The following CTNND2 variants were observed in gnomAD, a reference collection of about 807,000 sequenced individuals.
CTNND2 encodes catenin delta 2.
A neutral mutation model predicts 144.4 loss-of-function variants in CTNND2; 22 were observed. That is an observed-to-expected ratio of 0.15 (90% CI 0.11 to 0.22). The LOEUF is 0.22. CTNND2 is among the 10% of genes least tolerant of loss of function. The pLI is 1.00. For synonymous variants in CTNND2, 751 were observed against 695.6 expected (o/e 1.08, Z -1.25); for missense variants, 1,353 against 1,618.8 (o/e 0.84, Z 2.82).
At chr5:11,709,056 C>G (rs1264018167) in intron 2 of CTNND2, among the ~76,000 whole-genome samples, 1 of 152,104 alleles carries the variant, frequency 6.6e-6, no homozygotes, top group Non-Finnish European at 1.5e-5. Flanking sequence ...AACTAGGTAT[C>G]CTGTAAGATT....
chr5:11,122,738 T>A (rs11746234), intron 12 of CTNND2, among the ~76,000 whole-genome samples: 1 of 151,272 alleles, frequency 6.6e-6, no homozygotes, highest in Non-Finnish European at 1.5e-5. Flanking sequence ...AGGAGTGGGG[T>A]GGGCTGTCTG....
At chr5:11,340,257 T>A (rs1385408284) in intron 9 of CTNND2, among the ~76,000 whole-genome samples, 2 of 152,314 alleles carry the variant, frequency 1.3e-5, no homozygotes, top group South Asian at 4.1e-4. Flanking sequence ...TATTTCCCCA[T>A]AGCATGATGG....
intron 3 of CTNND2, among the ~76,000 whole-genome samples, chr5:11,504,685 G>A (rs1770851683): frequency 6.6e-6 from 1 of 152,170 alleles, no homozygotes. Context: ...GATGGCTGTG[G>A]GGAGCTGATG....
chr5:11,660,215 A>G (rs1010476136), intron 2 of CTNND2, among the ~76,000 whole-genome samples: 4 of 152,122 alleles, frequency 2.6e-5, no homozygotes, highest in Non-Finnish European at 5.9e-5. Context: ...TGAGGTCACA[A>G]GGCCATGAAA....
intron 10 of CTNND2, among the ~76,000 whole-genome samples, chr5:11,220,308 T>C (rs1184346592): frequency 1.3e-5 from 2 of 152,068 alleles, no homozygotes; most frequent in Non-Finnish European, 2.9e-5. Context: ...GCCCCATAGA[T>C]GGTGGCAACA....
chr5:11,221,619 C>G (rs915529951), intron 10 of CTNND2, among the ~76,000 whole-genome samples: 4 of 152,228 alleles, frequency 2.6e-5, no homozygotes, highest in Admixed American at 1.3e-4. Flanking sequence ...ATGGACATCA[C>G]ATGATACGAA....
intron 11 of CTNND2, among the ~76,000 whole-genome samples, chr5:11,174,312 AC>A (rs1459277034): frequency 6.6e-6 from 1 of 152,198 alleles, no homozygotes; most frequent in African/African-American, 2.4e-5. Context: ...GGATGAAGTC[AC>A]AGAAGTAAAG....
chr5:11,297,173 A>G (rs1022288126), intron 9 of CTNND2, among the ~76,000 whole-genome samples: 22 of 152,344 alleles, frequency 1.4e-4, no homozygotes, highest in African/African-American at 5.3e-4. Flanking sequence ...TTCAAGGTCC[A>G]TTCAAGGATT....
chr5:11,281,962 T>G (rs1747177991), intron 9 of CTNND2, among the ~76,000 whole-genome samples: 2 of 152,152 alleles, frequency 1.3e-5, no homozygotes. Context: ...ATCCCAAAAC[T>G]TAGTAGCTTA....
At chr5:11,087,389 C>A (rs1750282160) in intron 15 of CTNND2, among the ~76,000 whole-genome samples, 1 of 152,128 alleles carries the variant, frequency 6.6e-6, no homozygotes. Flanking sequence ...TTGCTGTATG[C>A]CCCAGATTAT....
intron 1 of CTNND2, among the ~76,000 whole-genome samples, chr5:11,815,682 A>G (rs185428768): frequency 6.6e-6 from 1 of 152,288 alleles, no homozygotes; most frequent in East Asian, 1.9e-4. Flanking sequence ...TTGTGCCAGC[A>G]GTTTGTTAAT....
chr5:11,337,622 G>C (rs1268122197), intron 9 of CTNND2, among the ~76,000 whole-genome samples: 1 of 152,086 alleles, frequency 6.6e-6, no homozygotes, highest in African/African-American at 2.4e-5. Context: ...CACGAAAGAG[G>C]AAGTAATACA....
At chr5:11,693,561 G>A (rs1785004054) in intron 2 of CTNND2, among the ~76,000 whole-genome samples, 1 of 152,192 alleles carries the variant, frequency 6.6e-6, no homozygotes, top group Non-Finnish European at 1.5e-5. Flanking sequence ...AAAATGCCTG[G>A]AACAGGCACT....
At chr5:11,462,233 T>C (rs998612237) in intron 3 of CTNND2, among the ~76,000 whole-genome samples, 2 of 152,082 alleles carry the variant, frequency 1.3e-5, no homozygotes, top group Non-Finnish European at 2.9e-5. Flanking sequence ...ATCAGAAAGG[T>C]CATAGTTCCA....
Position 11,662,093 on chromosome 5 carries a change from A to G in CTNND2, c.174+70043T>C, listed in dbSNP as rs111424814. ...ATGGATACATAGTTCATATATACAT[A>G]TATACACATATTTATGTGTGTGTGT... is the stretch of plus-strand genomic sequence containing the variant. On this transcript the variant is annotated intron_variant, in intron 2 of 21. Transcript: ENST00000304623. Among the ~76,000 whole-genome samples, 80 of 149,658 alleles carry G rather than the reference A, an allele frequency of 5.3e-4. 1 individual carries two copies. Among genetic ancestry groups the G allele is most frequent in the African/African-American group, 1.8e-3 (72 of 40,724 alleles).
chr5:11,872,887 A>G (rs968901445), intron 1 of CTNND2, among the ~76,000 whole-genome samples: 2 of 152,242 alleles, frequency 1.3e-5, no homozygotes, highest in Non-Finnish European at 2.9e-5. Flanking sequence ...TACTAAAACC[A>G]TAAAAACCCT....
chr5:11,834,155 A>C (rs1486755638), intron 1 of CTNND2, among the ~76,000 whole-genome samples: 1 of 152,180 alleles, frequency 6.6e-6, no homozygotes, highest in Non-Finnish European at 1.5e-5. Flanking sequence ...GCACACAGCC[A>C]ATAAAAAAGG....
intron 5 of CTNND2, among the ~76,000 whole-genome samples, chr5:11,403,127 C>T (rs1401209938): frequency 6.6e-6 from 1 of 152,080 alleles, no homozygotes; most frequent in East Asian, 1.9e-4. Flanking sequence ...TGGTTGTTTG[C>T]TGCACCTATC....
At chr5:10,983,925 C>T (rs367726794) in intron 20 of CTNND2, among the ~76,000 whole-genome samples, 12 of 152,126 alleles carry the variant, frequency 7.9e-5, no homozygotes, top group Admixed American at 3.3e-4. Context: ...CCAGCTTTGC[C>T]GACCCTCCTT....
Sources: allele counts gnomAD v4.1 joint callset (sites outside exome capture counted in the v4.1 genomes callset), GRCh38; gene constraint gnomAD v4.1.1; transcripts MANE v1.5; gene names NCBI Gene and HGNC (gene_info 2026-07-23, HGNC 2026-07-21).